PROM1: variants seen among roughly 807,000 people sequenced by gnomAD.
PROM1 encodes prominin 1, also known as prominin-1.
A neutral mutation model predicts 116.9 loss-of-function variants in PROM1; 105 were observed. That is an observed-to-expected ratio of 0.90 (90% CI 0.77 to 1.06). The LOEUF (loss-of-function observed/expected upper bound fraction) is 1.06. Among genes scored for constraint, PROM1 ranks in the 50% least tolerant of loss-of-function variants. PROM1 has a pLI of 0.00. For synonymous variants in PROM1, 393 were observed against 387.0 expected, an observed-to-expected ratio of 1.02 and a Z score of -0.18; for missense variants, 1,122 against 1,045.2, an observed-to-expected ratio of 1.07 and a Z score of -1.01.
intron 5 of PROM1, among the ~76,000 whole-genome samples, chr4:16,028,693 T>G (rs560177619): frequency 4.3e-4 from 65 of 152,330 alleles, no homozygotes; most frequent in Middle Eastern, 6.8e-3. Context: ...CAGTCAATTA[T>G]TAGAATACAA....
In PROM1 at chr4:16,024,395, A is replaced by G. The variant is rs970460089; in HGVS notation, c.631-37T>C. On this transcript the variant is annotated intron_variant, in intron 6 of 27. Coordinates refer to ENST00000447510, the MANE Select transcript of PROM1 (RefSeq NM_006017.3). ...ACATTCTGTGAAACCTCCCCTTCTA[A>G]GGTCCAAAGGCAATAAGAGGGCAAA... 1.9e-6 allele frequency: 3 copies of G among 1,552,962 alleles called. No individual in the cohort carries two copies. In the African/African-American group the frequency reaches 4.1e-5, roughly 21 times the overall value.
At chr4:15,988,258 C>T (rs1720005732) in intron 19 of PROM1, among the ~76,000 whole-genome samples, 1 of 152,196 alleles carries the variant, frequency 6.6e-6, no homozygotes, top group Non-Finnish European at 1.5e-5. Flanking sequence ...TGAAGAACAG[C>T]AAATCACATG....
chr4:16,052,504 T>G (rs1738109924), intron 2 of PROM1, among the ~76,000 whole-genome samples: 1 of 152,102 alleles, frequency 6.6e-6, no homozygotes, highest in Non-Finnish European at 1.5e-5. Context: ...TGAGACAGAG[T>G]CTTACTTGGT....
At chr4:15,973,548 C>G (rs887673505) in intron 26 of PROM1, among the ~76,000 whole-genome samples, 2 of 152,118 alleles carry the variant, frequency 1.3e-5, no homozygotes, top group South Asian at 4.1e-4. Context: ...TTGTTGGGCC[C>G]CCATGGTGTT....
At chr4:15,987,941 A>G (rs1401342969) in intron 19 of PROM1, among the ~76,000 whole-genome samples, 1 of 147,090 alleles carries the variant, frequency 6.8e-6, no homozygotes, top group Non-Finnish European at 1.5e-5. Context: ...CAGTGGCACG[A>G]TCTCAGCTCA....
chr4:15,993,963 G>C (rs757078303), intron 16 of PROM1, 24 bp downstream of exon 16: 1 of 1,607,802 alleles, frequency 6.2e-7, no homozygotes, highest in Admixed American at 1.7e-5. Flanking sequence ...GTGTTATGTC[G>C]ATTCCATGAC....
chr4:16,025,313 C>T lies in PROM1; in HGVS notation c.510-1G>A, dbSNP rs1285793172. 2 of 1,613,728 alleles carry T rather than the reference C, an allele frequency of 1.2e-6. No homozygotes were observed. The highest frequency in any genetic ancestry group is 1.7e-6 in the Non-Finnish European group (2 of 1,179,676). ...CACAAAACCATAGAAGATGCCAATGCTGCAGGAAAAGGCAGAGAGAAGAAA... is the reference window on the plus strand; with the variant it reads ...CACAAAACCATAGAAGATGCCAATGTTGCAGGAAAAGGCAGAGAGAAGAAA... On this transcript the variant is annotated splice_acceptor_variant, in intron 5 of 27. Coordinates refer to ENST00000447510, the MANE Select transcript of PROM1 (RefSeq NM_006017.3). LOFTEE classifies it high-confidence loss of function.
chr4:15,986,000 GC>G lies in PROM1; in HGVS notation c.2167del (p.Ala723LeufsTer24). Reference protein sequence around the residue: ...VTRILASLDFAQNFITNNTSS... With the variant: ...VTRILASLDFXQNFITNNTSS... The stretch of plus-strand genomic sequence containing the variant: ...AGTATTGTTTGTGATGAAGTTCTGA[GC>G]AAAATCCAGAGAAGCTAGAATCCTA... On this transcript the variant is annotated frameshift_variant, in exon 21 of 28. Transcript: ENST00000447510. LOFTEE classifies it high-confidence loss of function. 1 of 1,528,818 alleles carries G rather than the reference GC, an allele frequency of 6.5e-7. No homozygotes were observed. Among genetic ancestry groups the G allele is most frequent in the Non-Finnish European group, 8.9e-7 (1 of 1,129,814 alleles). 94.7% of individuals were successfully genotyped at this position (1,528,818 alleles called of 1,614,324 possible).
intron 3 of PROM1, among the ~76,000 whole-genome samples, chr4:16,037,650 C>A (rs953947242): frequency 6.6e-6 from 1 of 152,142 alleles, no homozygotes; most frequent in Non-Finnish European, 1.5e-5. Flanking sequence ...GCCCGATAAC[C>A]GCCTTCAAAC....
chr4:16,024,471 C>T (rs1434585471), intron 6 of PROM1, 113 bp from the exon 7 acceptor site: 1 of 800,886 alleles, frequency 1.2e-6, no homozygotes, highest in Non-Finnish European at 1.9e-6. Flanking sequence ...TTTCAGGTAA[C>T]CAGCAAGTTC....
At chr4:15,992,772 A>G (rs1319776957) in intron 16 of PROM1, among the ~76,000 whole-genome samples, 1 of 152,170 alleles carries the variant, frequency 6.6e-6, no homozygotes, top group Non-Finnish European at 1.5e-5. Flanking sequence ...GCTTTGACAA[A>G]CAGAGAAGCT....
At chr4:16,075,563 G>T in intron 2 of PROM1, 124 bp downstream of exon 2, 1 of 939,634 alleles carries the variant, frequency 1.1e-6, no homozygotes, top group Non-Finnish European at 1.5e-6. Context: ...AATGCTTTCT[G>T]CTTCTGTGCA....
chr4:16,001,784 G>T (rs1224259358), intron 13 of PROM1, among the ~76,000 whole-genome samples: 1 of 152,184 alleles, frequency 6.6e-6, no homozygotes, highest in Non-Finnish European at 1.5e-5. Flanking sequence ...CTGTGTGGGG[G>T]AAGGAGAGCT....
In PROM1 at chr4:15,991,276, TGC is replaced by T; in HGVS notation, c.1927_1928del (p.Ala643ArgfsTer10). 1 of 1,605,086 alleles carries T rather than the reference TGC, an allele frequency of 6.2e-7. No individual in the cohort carries two copies. Among genetic ancestry groups the T allele is most frequent in the East Asian group, 2.3e-5 (1 of 44,314 alleles). ...SYLAQTGKSPAGVNLLSFAYD... is the reference protein window; with the variant it reads ...SYLAQTGKSPXGVNLLSFAYD... ...ATGCAAATGATAAAAGATTCACTCC[TGC>T]GGGGGATTTACCAGTCTACAATAGA... is the stretch of plus-strand genomic sequence containing the variant. On this transcript the variant is annotated frameshift_variant, in exon 18 of 28. Transcript: ENST00000447510. LOFTEE classifies it high-confidence loss of function.
In PROM1 at chr4:16,018,309, T is replaced by A. The variant is rs1328428683; in HGVS notation, c.1002+14A>T. The A allele has an allele frequency of 6.2e-7, 1 of 1,610,978 alleles. No homozygotes were observed. Among genetic ancestry groups the A allele is most frequent in the African/African-American group, 1.3e-5 (1 of 74,984 alleles). On this transcript the variant is annotated intron_variant, in intron 9 of 27. Transcript: ENST00000447510. ...CATGCAGCCCTTGACCATGGCAAGCTCATGCCTGCTCACCTGCCTCAGTTC... is the reference window on the plus strand; with the variant it reads ...CATGCAGCCCTTGACCATGGCAAGCACATGCCTGCTCACCTGCCTCAGTTC...
At chr4:16,016,026 G>A (rs557399220) in intron 10 of PROM1, 140 bp downstream of exon 10, 2 of 703,728 alleles carry the variant, frequency 2.8e-6, no homozygotes, top group East Asian at 5.6e-5. Flanking sequence ...ACAATTGCCT[G>A]GAAGGTAATA....
chr4:16,039,005 G>A lies in PROM1; in HGVS notation c.221-4C>T. 3 of 1,476,020 alleles carry A rather than the reference G, an allele frequency of 2.0e-6. No individual in the cohort carries two copies. The highest frequency in any genetic ancestry group is 3.0e-5 in the South Asian group (2 of 66,554). 91.4% of individuals were successfully genotyped at this position (1,476,020 alleles called of 1,614,324 possible). ...TGTAAGAATTTTCTCAAAGTATCTGGAAAAAAAGCCACAAAATAGCAATAT... is the reference window on the plus strand; with the variant it reads ...TGTAAGAATTTTCTCAAAGTATCTGAAAAAAAAGCCACAAAATAGCAATAT... On this transcript the variant is annotated splice_region_variant and splice_polypyrimidine_tract_variant and intron_variant, in intron 2 of 27. Transcript: ENST00000447510.
chr4:16,032,965 G>C (rs890693177), intron 5 of PROM1, among the ~76,000 whole-genome samples: 7 of 152,274 alleles, frequency 4.6e-5, no homozygotes, highest in Admixed American at 1.3e-4. Context: ...CATGCTGCCT[G>C]CCTGCAAATA....
intron 8 of PROM1, among the ~76,000 whole-genome samples, chr4:16,021,120 G>A (rs1354884222): frequency 6.9e-6 from 1 of 145,614 alleles, no homozygotes; most frequent in African/African-American, 2.5e-5. Flanking sequence ...AAAAATGCTG[G>A]AGTAGTTTAT....
Sources: allele counts gnomAD v4.1 joint callset (sites outside exome capture counted in the v4.1 genomes callset), GRCh38; gene constraint gnomAD v4.1.1; transcripts MANE v1.5; gene names NCBI Gene and HGNC (gene_info 2026-07-23, HGNC 2026-07-21).